ZBTB20: variants seen among roughly 807,000 people sequenced by gnomAD.
ZBTB20 encodes zinc finger and BTB domain-containing protein 20.
In ZBTB20, 9 loss-of-function variants were observed where a neutral mutation model predicts 56.9. The ratio of observed to expected loss-of-function variants is 0.16; its 90% CI spans 0.10 to 0.28. The LOEUF is 0.28. ZBTB20 is among the 10% of genes least tolerant of loss of function. ZBTB20 has a pLI of 1.00. For missense variants in ZBTB20, 655 were observed against 1,003.0 expected, an observed-to-expected ratio of 0.65 and a Z score of 4.69; for synonymous variants, 417 against 420.7, an observed-to-expected ratio of 0.99 and a Z score of 0.11.
At chr3:114,610,005 A>G (rs2107682668) in intron 6 of ZBTB20, among the ~76,000 whole-genome samples, 1 of 152,330 alleles carries the variant, frequency 6.6e-6, no homozygotes, top group African/African-American at 2.4e-5. Flanking sequence ...AGAACTAACA[A>G]GCTGCCCCTA....
At chr3:115,145,290 T>TAAAGCAAA (rs1298748863) in intron 1 of ZBTB20, among the ~76,000 whole-genome samples, 4 of 152,204 alleles carry the variant, frequency 2.6e-5, no homozygotes, top group Non-Finnish European at 5.9e-5. Flanking sequence ...TTCTTCATTT[T>TAAAGCAAA]AAAGCAAAAA....
Position 114,483,537 on chromosome 3 carries a change from A to G in ZBTB20, c.-255+16815T>C, listed in dbSNP as rs536380767. Among the ~76,000 whole-genome samples, 3 of 152,194 alleles carry G rather than the reference A, an allele frequency of 2.0e-5. No individual in the cohort carries two copies. In the East Asian group the frequency reaches 5.8e-4, roughly 30 times the overall value. On this transcript the variant is annotated intron_variant, in intron 7 of 11. Transcript: ENST00000675478. ...AATATGTCCTATTCCAGTAGAAAGT[A>G]TCATATAAGCATACGGCCTGAATCC...
At chr3:114,724,586 T>A (rs1168975157) in intron 5 of ZBTB20, among the ~76,000 whole-genome samples, 2 of 152,228 alleles carry the variant, frequency 1.3e-5, no homozygotes, top group East Asian at 3.8e-4. Flanking sequence ...TAAGCCTTAA[T>A]TATCCCTTCT....
At chr3:114,360,359 T>TTTTGAGACA (rs2081704115) in intron 10 of ZBTB20, among the ~76,000 whole-genome samples, 1 of 146,964 alleles carries the variant, frequency 6.8e-6, no homozygotes, top group South Asian at 2.1e-4. Flanking sequence ...TTTTTTTTTT[T>TTTTGAGACA]TTGAGACGGA....
chr3:114,405,603 T>C (rs2087244173), intron 7 of ZBTB20, among the ~76,000 whole-genome samples: 1 of 152,158 alleles, frequency 6.6e-6, no homozygotes, highest in Non-Finnish European at 1.5e-5. Flanking sequence ...TATACAAACA[T>C]ATATATTTGT....
chr3:115,101,426 C>T (rs1386971714), intron 1 of ZBTB20, among the ~76,000 whole-genome samples: 1 of 152,160 alleles, frequency 6.6e-6, no homozygotes, highest in Non-Finnish European at 1.5e-5. Context: ...CACCCACTTT[C>T]CCCACTCCTA....
chr3:114,829,186 C>G (rs1250845681), intron 4 of ZBTB20, among the ~76,000 whole-genome samples: 1 of 151,790 alleles, frequency 6.6e-6, no homozygotes, highest in East Asian at 1.9e-4. Flanking sequence ...GAGTCACCAG[C>G]ATATATTCAA....
At chr3:114,979,822 G>C (rs1230262749) in intron 2 of ZBTB20, among the ~76,000 whole-genome samples, 1 of 151,870 alleles carries the variant, frequency 6.6e-6, no homozygotes, top group Non-Finnish European at 1.5e-5. Context: ...TTTTGGATTT[G>C]GATATATTAT....
intron 3 of ZBTB20, among the ~76,000 whole-genome samples, chr3:114,961,925 T>C (rs896671800): frequency 1.3e-5 from 2 of 152,154 alleles, no homozygotes; most frequent in Admixed American, 1.3e-4. Flanking sequence ...ACTCTTACTC[T>C]TACTGTTTTC....
At chr3:114,360,350 T>C (rs2081698060) in intron 10 of ZBTB20, among the ~76,000 whole-genome samples, 1 of 149,800 alleles carries the variant, frequency 6.7e-6, no homozygotes, top group Admixed American at 6.6e-5. Flanking sequence ...TTTTCTTTTT[T>C]TTTTTTTTTT....
At chr3:114,939,034 C>T (rs772290685) in intron 3 of ZBTB20, among the ~76,000 whole-genome samples, 1 of 145,290 alleles carries the variant, frequency 6.9e-6, no homozygotes, top group South Asian at 2.2e-4. Context: ...TCGGTGGAAG[C>T]AGCCCCAAAG....
At chr3:114,882,466 A>T (rs888510018) in intron 4 of ZBTB20, among the ~76,000 whole-genome samples, 1 of 152,040 alleles carries the variant, frequency 6.6e-6, no homozygotes, top group African/African-American at 2.4e-5. Context: ...AAAAACAAGG[A>T]TATATTTAGA....
chr3:114,602,196 A>G (rs1326149437), intron 6 of ZBTB20, among the ~76,000 whole-genome samples: 1 of 152,054 alleles, frequency 6.6e-6, no homozygotes, highest in Non-Finnish European at 1.5e-5. Context: ...CAAGTTCTAT[A>G]GAGTTACCTA....
intron 1 of ZBTB20, among the ~76,000 whole-genome samples, chr3:115,113,784 A>G (rs1057227833): frequency 6.6e-6 from 1 of 152,176 alleles, no homozygotes; most frequent in Non-Finnish European, 1.5e-5. Context: ...CAGCAGCGGC[A>G]GCATAATACT....
chr3:114,828,296 C>T (rs2073657323), intron 4 of ZBTB20, among the ~76,000 whole-genome samples: 1 of 151,588 alleles, frequency 6.6e-6, no homozygotes, highest in Non-Finnish European at 1.5e-5. Flanking sequence ...ATTTTTATAA[C>T]ACGTTCCAAC....
intron 5 of ZBTB20, among the ~76,000 whole-genome samples, chr3:114,771,924 A>G (rs1045396012): frequency 4.6e-5 from 7 of 152,134 alleles, no homozygotes; most frequent in Non-Finnish European, 8.8e-5. Flanking sequence ...TTACCAACCT[A>G]TGAATTGAAA....
intron 6 of ZBTB20, among the ~76,000 whole-genome samples, chr3:114,645,627 T>C (rs1445104306): frequency 1.3e-5 from 2 of 152,294 alleles, no homozygotes; most frequent in South Asian, 2.1e-4. Context: ...ATTGGATTTT[T>C]CCCCCAGTGC....
intron 5 of ZBTB20, chr3:114,759,387 G>A (rs1388329371): frequency 2.0e-5 from 3 of 152,086 alleles, no homozygotes; most frequent in South Asian, 2.1e-4. Flanking sequence ...ACAATATAGA[G>A]GACATCTCAG....
chr3:114,758,547 T>C (rs1412198938), intron 5 of ZBTB20, among the ~76,000 whole-genome samples: 2 of 152,184 alleles, frequency 1.3e-5, no homozygotes, highest in East Asian at 3.8e-4. Context: ...TGACGTGTCA[T>C]AATCAACAAT....
Sources: gnomAD v4.1 joint callset for allele counts (sites outside exome capture counted in the v4.1 genomes callset) on GRCh38, gnomAD v4.1.1 for gene constraint, MANE v1.5 for transcripts, NCBI Gene and HGNC (gene_info 2026-07-23, HGNC 2026-07-21) for gene names.